The following OSBP2 variants were observed in gnomAD, a reference collection of about 807,000 sequenced individuals.
The protein encoded by OSBP2 is oxysterol binding protein 2.
OSBP2 carries 66 observed loss-of-function variants against 96.0 expected under a neutral mutation model. The ratio of observed to expected loss-of-function variants is 0.69; its 90% CI spans 0.56 to 0.84. The LOEUF is 0.84. OSBP2 is among the 40% of genes least tolerant of loss of function. The probability of loss-of-function intolerance (pLI) is 0.00; values close to 1 mark genes in which losing one functional copy is unlikely to be tolerated. For synonymous variants in OSBP2, 525 were observed against 520.9 expected (o/e 1.01, Z -0.11); for missense variants, 1,038 against 1,222.7 (o/e 0.85, Z 2.25).
intron 2 of OSBP2, among the ~76,000 whole-genome samples, chr22:30,858,938 T>A (rs2039148403): frequency 6.8e-6 from 1 of 147,454 alleles, no homozygotes; most frequent in Non-Finnish European, 1.5e-5. Context: ...CTGATATTTC[T>A]CGTGCCATCC....
chr22:30,744,985 G>T (rs75541564), intron 2 of OSBP2, among the ~76,000 whole-genome samples: 2,074 of 152,236 alleles, frequency 0.014, 40 homozygotes, highest in African/African-American at 0.047. Flanking sequence ...TTTTCTGACC[G>T]CAGTGGAATG....
chr22:30,892,636 A>G (rs2039973737), intron 8 of OSBP2, among the ~76,000 whole-genome samples: 1 of 152,086 alleles, frequency 6.6e-6, no homozygotes, highest in East Asian at 1.9e-4. Context: ...CAGTGCATCG[A>G]TGTGGATGCC....
At chr22:30,802,384 G>T (rs1441962164) in intron 2 of OSBP2, among the ~76,000 whole-genome samples, 2 of 152,236 alleles carry the variant, frequency 1.3e-5, no homozygotes, top group Non-Finnish European at 2.9e-5. Context: ...TAGTTCCCGA[G>T]ATAGACTCGC....
intron 1 of OSBP2, among the ~76,000 whole-genome samples, chr22:30,724,822 T>G (rs944110520): frequency 6.6e-6 from 1 of 152,162 alleles, no homozygotes; most frequent in Admixed American, 6.6e-5. Context: ...CAAAATATTA[T>G]TTCTGGACAG....
intron 2 of OSBP2, among the ~76,000 whole-genome samples, chr22:30,787,077 C>A (rs919126483): frequency 1.3e-5 from 2 of 152,106 alleles, no homozygotes; most frequent in African/African-American, 4.8e-5. Flanking sequence ...GGATTACAGG[C>A]GTGAGCGACT....
In OSBP2 at chr22:30,694,955, C is replaced by T. The variant is rs1372221910; in HGVS notation, c.46C>T (p.Arg16Cys). The T allele has an allele frequency of 4.0e-6, 6 of 1,481,778 alleles. No individual in the cohort carries two copies. Among genetic ancestry groups the T allele is most frequent in the South Asian group, 1.4e-5 (1 of 73,988 alleles). 91.8% of individuals were successfully genotyped at this position (1,481,778 alleles called of 1,614,324 possible). The change falls in exon 1 of 14, where the codon CGC becomes TGC. Residue 16 changes from arginine to cysteine, a missense_variant. By Grantham distance (180) the Arg-to-Cys change is radical. Transcript: ENST00000332585. Reference protein sequence around the residue: ...APSRGGGCGGRSRGLSSLFTV... With the variant: ...APSRGGGCGGCSRGLSSLFTV... ...GAGCCGAGGCGGCGGCTGTGGCGGC[C>T]GCTCCCGCGGGCTCTCGTCGCTGTT...
intron 1 of OSBP2, among the ~76,000 whole-genome samples, chr22:30,726,742 T>G (rs1467842154): frequency 1.3e-5 from 2 of 152,186 alleles, no homozygotes; most frequent in African/African-American, 4.8e-5. Context: ...AAAATTACAT[T>G]AGAAGTGTCC....
chr22:30,903,174 C>T (rs886420485), intron 12 of OSBP2, among the ~76,000 whole-genome samples: 5 of 152,096 alleles, frequency 3.3e-5, no homozygotes, highest in Admixed American at 2.0e-4. Flanking sequence ...TAGACATTGG[C>T]CCGACTCCAG....
At chr22:30,758,983 A>G (rs1275321939) in intron 2 of OSBP2, among the ~76,000 whole-genome samples, 6 of 152,168 alleles carry the variant, frequency 3.9e-5, no homozygotes, top group Admixed American at 3.3e-4. Context: ...CATACTAAAG[A>G]TTTTGAGAAC....
At position 30,828,171 on chromosome 22, in the gene OSBP2, G is replaced by C. The variant is rs146504827; in HGVS notation, c.854-42258G>C. 2.3e-3 allele frequency among the ~76,000 whole-genome samples: 353 copies of C among 152,376 alleles called. 1 individual carries two copies. Among genetic ancestry groups the C allele is most frequent in the African/African-American group, 8.2e-3 (341 of 41,590 alleles). ...GTCATTAGAAAGAGGCTAAATGCCA[G>C]ATGGAGGTCTCGAATCTTTCAATGC... On this transcript the variant is annotated intron_variant, in intron 2 of 13. Coordinates refer to ENST00000332585, the MANE Select transcript of OSBP2 (RefSeq NM_030758.4).
At chr22:30,902,654 C>A in intron 12 of OSBP2, 1 of 594,148 alleles carries the variant, frequency 1.7e-6, no homozygotes, top group Non-Finnish European at 3.2e-6. Context: ...GGGAAGAGCA[C>A]AAAGACCACG....
At chr22:30,823,945 C>T (rs899873901) in intron 2 of OSBP2, among the ~76,000 whole-genome samples, 2 of 152,070 alleles carry the variant, frequency 1.3e-5, no homozygotes, top group Admixed American at 6.5e-5. Flanking sequence ...GGATTTATTC[C>T]GAGGGAGAAT....
At chr22:30,728,616 A>G (rs558329276) in intron 1 of OSBP2, among the ~76,000 whole-genome samples, 2 of 151,816 alleles carry the variant, frequency 1.3e-5, no homozygotes, top group East Asian at 3.9e-4. Context: ...TCTGCCTTAG[A>G]CTCCCAAGTA....
At chr22:30,897,657 G>T (rs1325112505) in intron 12 of OSBP2, among the ~76,000 whole-genome samples, 4 of 152,192 alleles carry the variant, frequency 2.6e-5, no homozygotes, top group Non-Finnish European at 5.9e-5. Flanking sequence ...AAGATATTTG[G>T]CCGGGATGGT....
intron 2 of OSBP2, among the ~76,000 whole-genome samples, chr22:30,767,304 T>A (rs1346287759): frequency 6.6e-6 from 1 of 151,228 alleles, no homozygotes; most frequent in East Asian, 1.9e-4. Flanking sequence ...AGCAAGACTT[T>A]CTCTCTCTTA....
At chr22:30,793,217 C>A (rs954949233) in intron 2 of OSBP2, among the ~76,000 whole-genome samples, 4 of 151,568 alleles carry the variant, frequency 2.6e-5, no homozygotes, top group African/African-American at 2.4e-5. Flanking sequence ...TGGTGAAAAC[C>A]CATCTCTACT....
intron 1 of OSBP2, among the ~76,000 whole-genome samples, chr22:30,740,361 G>A (rs1205800015): frequency 6.6e-6 from 1 of 152,172 alleles, no homozygotes; most frequent in Non-Finnish European, 1.5e-5. Context: ...AATATCTCAA[G>A]CACTGCTCTT....
intron 2 of OSBP2, among the ~76,000 whole-genome samples, chr22:30,859,309 C>T (rs1228607703): frequency 6.6e-6 from 1 of 152,214 alleles, no homozygotes; most frequent in Non-Finnish European, 1.5e-5. Flanking sequence ...ACCAAATACT[C>T]ACCTTAGAAC....
chr22:30,814,855 A>G (rs1224283688), intron 2 of OSBP2, among the ~76,000 whole-genome samples: 1 of 152,180 alleles, frequency 6.6e-6, no homozygotes, highest in African/African-American at 2.4e-5. Context: ...TCTGGATGAG[A>G]ATCTGGGAAG....
Sources: allele counts gnomAD v4.1 joint callset (sites outside exome capture counted in the v4.1 genomes callset), GRCh38; gene constraint gnomAD v4.1.1; transcripts MANE v1.5; gene names NCBI Gene and HGNC (gene_info 2026-07-23, HGNC 2026-07-21).